The following SHISA9 variants were observed in gnomAD, a reference collection of about 807,000 sequenced individuals.
SHISA9 encodes the protein shisa family member 9, also known as protein shisa-9.
In SHISA9, 13 loss-of-function variants were observed where a neutral mutation model predicts 38.0. The ratio of observed to expected loss-of-function variants is 0.34; its 90% CI spans 0.22 to 0.54. The LOEUF (loss-of-function observed/expected upper bound fraction) is 0.54, where lower values mean the gene tolerates loss of function less well. Among genes scored for constraint, SHISA9 ranks in the 20% least tolerant of loss-of-function variants. The pLI is 0.91. For missense variants in SHISA9, 538 were observed against 575.8 expected (o/e 0.93, Z 0.67); for synonymous variants, 275 against 242.0 (o/e 1.14, Z -1.27).
chr16:13,544,940 C>CA, the SHISA9 span, among the ~76,000 whole-genome samples: 35 of 149,728 alleles, frequency 2.3e-4, no homozygotes, highest in Middle Eastern at 6.8e-3. Context: ...GAGACTCCGT[C>CA]AAAAAAAAAC....
At chr16:13,041,485 C>A (rs1318467269) in intron 2 of SHISA9, among the ~76,000 whole-genome samples, 1 of 152,196 alleles carries the variant, frequency 6.6e-6, no homozygotes, top group African/African-American at 2.4e-5. Context: ...AGCCACGTAT[C>A]CCCTGATATG....
At chr16:13,488,916 C>T in the SHISA9 span, among the ~76,000 whole-genome samples, 8 of 152,098 alleles carry the variant, frequency 5.3e-5, no homozygotes, top group African/African-American at 9.7e-5. Flanking sequence ...CGCCTGCCAC[C>T]GCGCCTGCCA....
chr16:13,148,369 A>G (rs1596682397), intron 2 of SHISA9, among the ~76,000 whole-genome samples: 1 of 152,032 alleles, frequency 6.6e-6, no homozygotes, highest in East Asian at 1.9e-4. Context: ...CACACTACAC[A>G]CACCATGCGC....
chr16:13,451,185 A>T, the SHISA9 span, among the ~76,000 whole-genome samples: 24 of 152,264 alleles, frequency 1.6e-4, no homozygotes, highest in East Asian at 4.6e-3. Flanking sequence ...TGCGTGTTCC[A>T]TGCTGGCTCT....
intron 2 of SHISA9, among the ~76,000 whole-genome samples, chr16:13,085,716 A>G (rs1446510347): frequency 6.6e-6 from 1 of 152,210 alleles, no homozygotes; most frequent in Non-Finnish European, 1.5e-5. Context: ...GGCTAAAAAA[A>G]CACCTGGTGA....
At chr16:13,555,444 G>C in the SHISA9 span, among the ~76,000 whole-genome samples, 1 of 152,170 alleles carries the variant, frequency 6.6e-6, no homozygotes, top group Non-Finnish European at 1.5e-5. Context: ...GAGAACATTT[G>C]GTAGTTCCTT....
At chr16:13,111,344 CAAA>C (rs35569425) in intron 2 of SHISA9, among the ~76,000 whole-genome samples, 2 of 137,804 alleles carry the variant, frequency 1.5e-5, no homozygotes, top group Admixed American at 7.2e-5. Flanking sequence ...AAACAAATTA[CAAA>C]AAAAAAAAAA....
At chr16:13,431,531 AAAAC>A in the SHISA9 span, among the ~76,000 whole-genome samples, 41 of 152,338 alleles carry the variant, frequency 2.7e-4, no homozygotes, top group African/African-American at 9.1e-4. Context: ...AAGAAAGGGA[AAAAC>A]AAACAAACAT....
rs1596517031 is a variant in SHISA9, at chr16:12,901,855, G to T, written c.-210G>T. ...CGGCCGGCCCCTCGGCGCGCGGCGC[G>T]CTGGAGGCGAACGCGGGCTGAGGCG... On this transcript the variant is annotated 5_prime_UTR_variant, in exon 1 of 5. Coordinates refer to ENST00000558583, the MANE Select transcript of SHISA9 (RefSeq NM_001145204.3). 1.9e-5 allele frequency: 3 copies of T among 160,814 alleles called. No individual in the cohort carries two copies. In the Admixed American group the frequency reaches 2.0e-4, roughly 11 times the overall value. The allele number at this position is 160,814 out of a possible 1,614,324, so 10.0% of individuals were successfully genotyped here.
chr16:13,399,034 T>C, the SHISA9 span, among the ~76,000 whole-genome samples: 2 of 152,110 alleles, frequency 1.3e-5, no homozygotes, highest in Non-Finnish European at 2.9e-5. Flanking sequence ...GGCAGGGGAA[T>C]GCCTGAGCTC....
At chr16:13,333,676 G>A in the SHISA9 span, among the ~76,000 whole-genome samples, 2 of 152,178 alleles carry the variant, frequency 1.3e-5, no homozygotes, top group Admixed American at 1.3e-4. Context: ...AAGGAGATCA[G>A]TAGAGATGTC....
intron 2 of SHISA9, among the ~76,000 whole-genome samples, chr16:13,047,588 G>A (rs2073202305): frequency 6.6e-6 from 1 of 152,136 alleles, no homozygotes; most frequent in Non-Finnish European, 1.5e-5. Context: ...GTGCCTGGAT[G>A]CTTACTGCAT....
At chr16:12,952,293 C>T (rs1386873911) in intron 2 of SHISA9, among the ~76,000 whole-genome samples, 1 of 152,166 alleles carries the variant, frequency 6.6e-6, no homozygotes, top group Non-Finnish European at 1.5e-5. Context: ...TGGATGTCTC[C>T]ACTGGGCCTG....
chr16:13,148,307 A>G (rs745354203), intron 2 of SHISA9, among the ~76,000 whole-genome samples: 28 of 152,174 alleles, frequency 1.8e-4, no homozygotes, highest in Non-Finnish European at 4.0e-4. Context: ...AGGCAAGAGC[A>G]GATGCAATGC....
the SHISA9 span, among the ~76,000 whole-genome samples, chr16:13,254,500 G>A: frequency 6.6e-6 from 1 of 152,214 alleles, no homozygotes; most frequent in Non-Finnish European, 1.5e-5. Context: ...GAGACTCTGA[G>A]ACACCCAATT....
At chr16:12,913,623 A>G (rs1169475654) in intron 1 of SHISA9, among the ~76,000 whole-genome samples, 1 of 152,070 alleles carries the variant, frequency 6.6e-6, no homozygotes, top group Non-Finnish European at 1.5e-5. Flanking sequence ...TAAGGTTTTA[A>G]TCACCCTTAC....
the SHISA9 span, among the ~76,000 whole-genome samples, chr16:13,255,237 C>T: frequency 0.71 from 107,987 of 151,848 alleles, 38,585 homozygotes; most frequent in Admixed American, 0.79. Context: ...CTCAATTCTT[C>T]CCCTTTCTGT....
intron 2 of SHISA9, among the ~76,000 whole-genome samples, chr16:13,003,570 AG>A (rs1216569877): frequency 6.6e-6 from 1 of 152,144 alleles, no homozygotes; most frequent in African/African-American, 2.4e-5. Flanking sequence ...AATAATGATG[AG>A]TTACAGGCTG....
At chr16:13,245,166 C>G (rs761094904), downstream of SHISA9, among the ~76,000 whole-genome samples, 3 of 152,194 alleles carry the variant, frequency 2.0e-5, no homozygotes, top group Non-Finnish European at 4.4e-5. Flanking sequence ...ATCTGCCCAC[C>G]TCAGCCTCCC....
Sources: allele counts gnomAD v4.1 joint callset (sites outside exome capture counted in the v4.1 genomes callset), GRCh38; gene constraint gnomAD v4.1.1; transcripts MANE v1.5; gene names NCBI Gene and HGNC (gene_info 2026-07-23, HGNC 2026-07-21).